ARMH4: variants seen among roughly 807,000 people sequenced by gnomAD.
ARMH4 encodes the protein armadillo like helical domain containing 4, also known as armadillo-like helical domain-containing protein 4.
A neutral mutation model predicts 61.9 loss-of-function variants in ARMH4; 49 were observed. The ratio of observed to expected loss-of-function variants is 0.79; its 90% CI spans 0.63 to 1.00. ARMH4 has a LOEUF of 1.00. ARMH4 is among the 50% of genes least tolerant of loss of function. The probability of loss-of-function intolerance (pLI) is 0.00; values close to 1 mark genes in which losing one functional copy is unlikely to be tolerated. For missense variants in ARMH4, 934 were observed against 930.0 expected, an observed-to-expected ratio of 1.00 and a Z score of -0.06; for synonymous variants, 368 against 341.5, an observed-to-expected ratio of 1.08 and a Z score of -0.85.
intron 4 of ARMH4, among the ~76,000 whole-genome samples, chr14:58,125,998 C>A (rs1385338468): frequency 1.3e-5 from 2 of 152,082 alleles, no homozygotes; most frequent in Admixed American, 6.5e-5. Context: ...AAAGAAATAG[C>A]CAATCATCTA....
intron 1 of ARMH4, among the ~76,000 whole-genome samples, chr14:58,147,752 C>T (rs975836927): frequency 1.4e-4 from 22 of 152,154 alleles, no homozygotes; most frequent in African/African-American, 5.3e-4. Flanking sequence ...GGTATACTGT[C>T]GTTATTCCAC....
intron 6 of ARMH4, among the ~76,000 whole-genome samples, chr14:58,005,606 AGT>A (rs1395044659): frequency 6.6e-6 from 1 of 152,184 alleles, no homozygotes; most frequent in Non-Finnish European, 1.5e-5. Flanking sequence ...CCTCTGGAAT[AGT>A]GTGTTTGCTG....
Position 58,133,350 on chromosome 14 carries a change from G to C in ARMH4, c.1370-9C>G, listed in dbSNP as rs777893352. Reference sequence around the variant, plus strand: ...CTCTTGAGTGATGATGTCTTAAAGGGGGGAAAACATTTAAAAATAGACCAA... The same window carrying C: ...CTCTTGAGTGATGATGTCTTAAAGGCGGGAAAACATTTAAAAATAGACCAA... On this transcript the variant is annotated splice_polypyrimidine_tract_variant and intron_variant, in intron 2 of 7. Coordinates refer to ENST00000267485, the MANE Select transcript of ARMH4 (RefSeq NM_001001872.4). 1.3e-5 allele frequency: 20 copies of C among 1,598,084 alleles called. No individual in the cohort carries two copies. Among genetic ancestry groups the C allele is most frequent in the Non-Finnish European group, 1.7e-5 (20 of 1,173,222 alleles).
At chr14:58,055,050 G>A (rs369812848) in intron 5 of ARMH4, among the ~76,000 whole-genome samples, 1 of 151,966 alleles carries the variant, frequency 6.6e-6, no homozygotes, top group African/African-American at 2.4e-5. Flanking sequence ...CACACACTAC[G>A]CTGCCACTGC....
At chr14:58,057,570 CTGTG>C (rs58765566) in intron 5 of ARMH4, among the ~76,000 whole-genome samples, 1,883 of 149,422 alleles carry the variant, frequency 0.013, 34 homozygotes, top group African/African-American at 0.044. Flanking sequence ...GTGTGTGTGT[CTGTG>C]TGTGTGTGTG....
chr14:58,086,605 T>A lies in ARMH4; in HGVS notation c.2089+10119A>T, dbSNP rs1885390810. 2.0e-5 allele frequency among the ~76,000 whole-genome samples: 3 copies of A among 151,996 alleles called. No individual in the cohort carries two copies. The South Asian group carries it at 6.2e-4, about 32-fold the overall frequency. On this transcript the variant is annotated intron_variant, in intron 5 of 7. Transcript: ENST00000267485. ...TATCCAGGAGAGATGCAATAGAGCATCCCCTTTCTCCTCCCAACTGTGCTT... is the reference window on the plus strand; with the variant it reads ...TATCCAGGAGAGATGCAATAGAGCAACCCCTTTCTCCTCCCAACTGTGCTT...
At chr14:58,032,433 G>A (rs1370849930) in intron 5 of ARMH4, among the ~76,000 whole-genome samples, 2 of 152,148 alleles carry the variant, frequency 1.3e-5, no homozygotes, top group South Asian at 2.1e-4. Flanking sequence ...GGACCCATCT[G>A]ACTGTCCAAT....
intron 5 of ARMH4, among the ~76,000 whole-genome samples, chr14:58,032,441 A>G (rs912344429): frequency 2.0e-5 from 3 of 152,214 alleles, no homozygotes; most frequent in Non-Finnish European, 4.4e-5. Context: ...CTGACTGTCC[A>G]ATGAAGACTA....
intron 5 of ARMH4, among the ~76,000 whole-genome samples, chr14:58,087,691 G>A (rs1045846171): frequency 1.3e-5 from 2 of 152,118 alleles, no homozygotes; most frequent in Non-Finnish European, 2.9e-5. Context: ...GATTTTTGGT[G>A]TGAAATTCCT....
At position 58,089,028 on chromosome 14, in the gene ARMH4, G is replaced by A. The variant is rs145942746; in HGVS notation, c.2089+7696C>T. 2.0e-3 allele frequency among the ~76,000 whole-genome samples: 298 copies of A among 152,236 alleles called. 1 individual carries two copies. Among genetic ancestry groups the A allele is most frequent in the African/African-American group, 6.9e-3 (288 of 41,526 alleles). The stretch of plus-strand genomic sequence containing the variant: ...CAATAATTTTTATAGCTCTCTAGGA[G>A]TTCTAAGAAATGGATTCCACTGGCA... On this transcript the variant is annotated intron_variant, in intron 5 of 7. Transcript: ENST00000267485.
At chr14:58,132,678 C>G (rs970066961) in intron 3 of ARMH4, among the ~76,000 whole-genome samples, 1 of 151,380 alleles carries the variant, frequency 6.6e-6, no homozygotes, top group Non-Finnish European at 1.5e-5. Flanking sequence ...CTCCGCCCCC[C>G]GGGTTCACAC....
intron 5 of ARMH4, among the ~76,000 whole-genome samples, chr14:58,020,794 C>A (rs899838410): frequency 1.3e-5 from 2 of 152,146 alleles, no homozygotes; most frequent in Non-Finnish European, 2.9e-5. Flanking sequence ...TCAGAATGAG[C>A]AATGCTGAAG....
At chr14:58,019,305 C>A (rs1381621017) in intron 5 of ARMH4, among the ~76,000 whole-genome samples, 2 of 152,080 alleles carry the variant, frequency 1.3e-5, no homozygotes, top group Non-Finnish European at 2.9e-5. Flanking sequence ...ATGTTATTAG[C>A]TTGATTTAGC....
intron 5 of ARMH4, among the ~76,000 whole-genome samples, chr14:58,031,499 C>G (rs774008548): frequency 6.6e-6 from 1 of 152,170 alleles, no homozygotes; most frequent in East Asian, 1.9e-4. Flanking sequence ...CAGCAAGTTA[C>G]AAATGTACAC....
intron 5 of ARMH4, among the ~76,000 whole-genome samples, chr14:58,086,846 C>T (rs968745633): frequency 3.3e-5 from 5 of 152,036 alleles, no homozygotes; most frequent in African/African-American, 4.8e-5. Context: ...GGAAAGGCTT[C>T]GGCCAGATCC....
chr14:58,146,913 C>T (rs1887748151), intron 1 of ARMH4, among the ~76,000 whole-genome samples: 1 of 152,218 alleles, frequency 6.6e-6, no homozygotes, highest in Non-Finnish European at 1.5e-5. Context: ...GCACAATGAG[C>T]ATCGCCCCAA....
intron 4 of ARMH4, among the ~76,000 whole-genome samples, chr14:58,111,046 G>A (rs1364412676): frequency 2.0e-5 from 3 of 152,228 alleles, no homozygotes; most frequent in Middle Eastern, 3.4e-3. Context: ...GAGCCACCAC[G>A]CCCAGCCAGG....
intron 4 of ARMH4, among the ~76,000 whole-genome samples, chr14:58,111,685 C>CT (rs542731594): frequency 0.021 from 3,102 of 145,648 alleles, 108 homozygotes; most frequent in African/African-American, 0.07. Flanking sequence ...CTTCCTTCTT[C>CT]TTTTTTTTTT....
Position 58,104,419 on chromosome 14 carries a change from G to C in ARMH4, c.1832-7438C>G, listed in dbSNP as rs17094353. 3.5e-4 allele frequency among the ~76,000 whole-genome samples: 53 copies of C among 152,312 alleles called. No homozygotes were observed. In the East Asian group the frequency reaches 8.9e-3, roughly 25 times the overall value. On this transcript the variant is annotated intron_variant, in intron 4 of 7. Transcript: ENST00000267485. ...CCAAATCATAGAGCTAGCCTGAGAA[G>C]ACAGTCATAGAAAAAGAAAGTTTTG...
Sources: gnomAD v4.1 joint callset for allele counts (sites outside exome capture counted in the v4.1 genomes callset) on GRCh38, gnomAD v4.1.1 for gene constraint, MANE v1.5 for transcripts, NCBI Gene and HGNC (gene_info 2026-07-23, HGNC 2026-07-21) for gene names.